Variants in DENND4A observed in about 807,000 individuals in gnomAD.
DENND4A encodes C-myc promoter-binding protein.
DENND4A carries 70 observed loss-of-function variants against 199.3 expected under a neutral mutation model. The ratio of observed to expected loss-of-function variants is 0.35; its 90% CI spans 0.29 to 0.43. The LOEUF (loss-of-function observed/expected upper bound fraction) is 0.43. Among genes scored for constraint, DENND4A ranks in the 20% least tolerant of loss-of-function variants. The pLI is 1.00. For missense variants in DENND4A, 1,723 were observed against 2,255.8 expected, an observed-to-expected ratio of 0.76 and a Z score of 4.78; for synonymous variants, 686 against 766.9, an observed-to-expected ratio of 0.89 and a Z score of 1.74.
chr15:65,688,661 C>T (rs541471267), intron 23 of DENND4A, among the ~76,000 whole-genome samples: 38 of 152,316 alleles, frequency 2.5e-4, no homozygotes, highest in Admixed American at 9.8e-4. Context: ...TCCCCTCAAA[C>T]TTTCTGCACA....
chr15:65,715,301 G>T (rs891769411), intron 14 of DENND4A, 177 bp downstream of exon 14: 34 of 526,444 alleles, frequency 6.5e-5, no homozygotes, highest in Non-Finnish European at 1.0e-4. Flanking sequence ...CAAGGTAATT[G>T]TAAGAGGTGC....
intron 12 of DENND4A, among the ~76,000 whole-genome samples, chr15:65,721,011 G>C (rs28657784): frequency 0.26 from 29,307 of 114,006 alleles, 4,423 homozygotes; most frequent in East Asian, 0.78. Flanking sequence ...CAAGGTTTCA[G>C]CATGTTGCCC....
At chr15:65,676,141 A>AATATATATATATGTATAT (rs1555413336) in intron 24 of DENND4A, among the ~76,000 whole-genome samples, 10 of 110,452 alleles carry the variant, frequency 9.1e-5, no homozygotes, top group African/African-American at 1.2e-4. Context: ...AATAAGGAAA[A>AATATATATATATGTATAT]ATATATATAT....
At chr15:65,739,639 G>A (rs1375373261) in intron 5 of DENND4A, among the ~76,000 whole-genome samples, 1 of 152,172 alleles carries the variant, frequency 6.6e-6, no homozygotes, top group Non-Finnish European at 1.5e-5. Context: ...TAAACTGGGG[G>A]AATATAAGTG....
intron 15 of DENND4A, among the ~76,000 whole-genome samples, chr15:65,703,782 C>T (rs1474603238): frequency 3.3e-5 from 5 of 152,168 alleles, no homozygotes; most frequent in South Asian, 4.1e-4. Context: ...TAGTGCACTA[C>T]GGTTCTGCCA....
intron 1 of DENND4A, among the ~76,000 whole-genome samples, chr15:65,772,607 T>C (rs1486698752): frequency 2.1e-5 from 3 of 142,664 alleles, no homozygotes; most frequent in Non-Finnish European, 4.5e-5. Flanking sequence ...CTCAGGAGGC[T>C]GAGGCAGGAG....
chr15:65,732,076 G>A (rs557395683), intron 8 of DENND4A, among the ~76,000 whole-genome samples: 135 of 152,114 alleles, frequency 8.9e-4, no homozygotes, highest in African/African-American at 3.2e-3. Flanking sequence ...CTGAAATATA[G>A]GCATGCTCAT....
At chr15:65,734,662 T>C (rs2076061947) in intron 7 of DENND4A, among the ~76,000 whole-genome samples, 1 of 152,104 alleles carries the variant, frequency 6.6e-6, no homozygotes, top group African/African-American at 2.4e-5. Flanking sequence ...AAGCAGGGGA[T>C]GAATACCACA....
In DENND4A at chr15:65,771,712, G is replaced by C. The variant is rs2077130783; in HGVS notation, c.-101-10274C>G. ...CACCCCCAAAAAATATATTAAACAAGTCTTCTGGAGTTATATCAACTTCAC... is the reference window on the plus strand; with the variant it reads ...CACCCCCAAAAAATATATTAAACAACTCTTCTGGAGTTATATCAACTTCAC... On this transcript the variant is annotated intron_variant, in intron 1 of 32. Transcript: ENST00000443035. 5.0e-6 allele frequency: 8 copies of C among 1,609,180 alleles called. No homozygotes were observed. The Admixed American group carries it at 6.7e-5, about 13-fold the overall frequency.
intron 1 of DENND4A, chr15:65,771,335 G>C (rs923335016): frequency 9.4e-6 from 15 of 1,587,700 alleles, no homozygotes; most frequent in Non-Finnish European, 1.3e-5. Flanking sequence ...TCGAATATTA[G>C]TCACATAATC....
At chr15:65,667,186 T>A (rs775318792) in intron 29 of DENND4A, among the ~76,000 whole-genome samples, 3 of 152,088 alleles carry the variant, frequency 2.0e-5, no homozygotes, top group Non-Finnish European at 4.4e-5. Context: ...AAAAATTAGC[T>A]GAGCGTGGTG....
chr15:65,694,270 G>A (rs1378229248), intron 22 of DENND4A, among the ~76,000 whole-genome samples: 2 of 152,150 alleles, frequency 1.3e-5, no homozygotes, highest in Admixed American at 6.5e-5. Context: ...CCAACATGGT[G>A]AAACTCCGTC....
intron 2 of DENND4A, 67 bp downstream of exon 2, chr15:65,761,293 T>C (rs946972694): frequency 2.0e-5 from 3 of 152,188 alleles, no homozygotes; most frequent in Admixed American, 6.5e-5. Context: ...AAACTAAGGT[T>C]TCACTGTGTT....
intron 20 of DENND4A, among the ~76,000 whole-genome samples, chr15:65,698,339 T>A (rs16948947): frequency 0.2 from 30,839 of 152,046 alleles, 4,154 homozygotes; most frequent in East Asian, 0.73. Context: ...AGGCTCTGCA[T>A]CATTTTTAGA....
At position 65,792,013 on chromosome 15, in the gene DENND4A, C is replaced by G. The variant is rs1033311217; in HGVS notation, c.-105G>C. ...GGGTCGCCGCCCCCGCACTCACCAC[C>G]CAGCTGGCTCCCGTGCGAGCAGCGG... is the stretch of plus-strand genomic sequence containing the variant. On this transcript the variant is annotated 5_prime_UTR_variant, in exon 1 of 33. Coordinates refer to ENST00000443035, the MANE Select transcript of DENND4A (RefSeq NM_001320835.1). 1.3e-5 allele frequency: 2 copies of G among 152,450 alleles called. No homozygotes were observed. The highest frequency in any genetic ancestry group is 3.9e-4 in the East Asian group (2 of 5,188). 9.4% of individuals were successfully genotyped at this position (152,450 alleles called of 1,614,324 possible).
chr15:65,716,171 G>A (rs2075391782), intron 13 of DENND4A, among the ~76,000 whole-genome samples: 1 of 151,794 alleles, frequency 6.6e-6, no homozygotes, highest in South Asian at 2.1e-4. Context: ...TGTGTAAACT[G>A]TTCTCTCTGC....
chr15:65,725,776 A>G (rs1031009306), intron 11 of DENND4A, among the ~76,000 whole-genome samples: 1 of 152,200 alleles, frequency 6.6e-6, no homozygotes, highest in African/African-American at 2.4e-5. Flanking sequence ...TACACTTGGT[A>G]CATACATATT....
chr15:65,698,968 C>T (rs1347825667), intron 20 of DENND4A, among the ~76,000 whole-genome samples: 3 of 151,918 alleles, frequency 2.0e-5, no homozygotes, highest in South Asian at 2.1e-4. Context: ...GAACTCCTGG[C>T]CTCAAGTGAC....
chr15:65,768,969 G>C (rs1029584680), intron 1 of DENND4A, among the ~76,000 whole-genome samples: 7 of 151,602 alleles, frequency 4.6e-5, no homozygotes, highest in Non-Finnish European at 7.4e-5. Context: ...ACTCTAGCCT[G>C]GGCGACAAGA....
Sources: allele counts gnomAD v4.1 joint callset (sites outside exome capture counted in the v4.1 genomes callset), GRCh38; gene constraint gnomAD v4.1.1; transcripts MANE v1.5; gene names NCBI Gene and HGNC (gene_info 2026-07-23, HGNC 2026-07-21).